The following ZFYVE16 variants were observed in gnomAD, a reference collection of about 807,000 sequenced individuals.
ZFYVE16 encodes zinc finger FYVE domain-containing protein 16.
In ZFYVE16, 89 loss-of-function variants were observed where a neutral mutation model predicts 138.1. The ratio of observed to expected loss-of-function variants is 0.64; its 90% confidence interval spans 0.54 to 0.77. The LOEUF (loss-of-function observed/expected upper bound fraction) is 0.77, where lower values mean the gene tolerates loss of function less well. Among genes scored for constraint, ZFYVE16 ranks in the 30% least tolerant of loss-of-function variants. The probability of loss-of-function intolerance (pLI) is 0.00; values close to 1 mark genes in which losing one functional copy is unlikely to be tolerated. For synonymous variants in ZFYVE16, 596 were observed against 618.3 expected (o/e 0.96, Z 0.53); for missense variants, 1,793 against 1,786.7 (o/e 1.00, Z -0.06).
At chr5:80,408,048 T>G (rs1390283923), upstream of ZFYVE16, 1 of 152,278 alleles carries the variant, frequency 6.6e-6, no homozygotes, top group Non-Finnish European at 1.5e-5. Flanking sequence ...AAAGAAGCCC[T>G]GAGCCGGGAT....
chr5:80,470,107 T>A (rs1162138736), intron 15 of ZFYVE16, among the ~76,000 whole-genome samples: 1 of 38,048 alleles, frequency 2.6e-5, no homozygotes, highest in African/African-American at 4.4e-5. Flanking sequence ...GTGTATTTTT[T>A]TTTTTTTTTT....
Position 80,438,496 on chromosome 5 carries a change from C to G in ZFYVE16, c.1811C>G (p.Thr604Arg). Reference protein sequence around the residue: ...IICEIVDKQNTIENGLSLGEK... With the variant: ...IICEIVDKQNRIENGLSLGEK... ...TGTGAAATAGTTGATAAACAAAATA[C>G]AATAGAAAATGGCCTTTCTTTAGGA... Residue 604 changes from threonine (T) to arginine (R), a missense_variant, in exon 4 of 19, where the codon ACA becomes AGA. Around this residue, in one of 2 missense-constraint regions of ZFYVE16, gnomAD observed 1,295 missense variants for 1,204.3 expected, o/e 1.08. Transcript: ENST00000505560. 6.2e-7 allele frequency: 1 copy of G among 1,613,480 alleles called. No homozygotes were observed. The highest frequency in any genetic ancestry group is 1.1e-5 in the South Asian group (1 of 91,044).
intron 7 of ZFYVE16, 79 bp downstream of exon 7, chr5:80,445,484 GCT>G: frequency 8.5e-7 from 1 of 1,175,496 alleles, no homozygotes; most frequent in East Asian, 2.7e-5. Context: ...TTATTAGAGT[GCT>G]TTTTTTTTTT....
chr5:80,449,584 C>T lies in ZFYVE16; in HGVS notation c.3104-7C>T. 1 of 1,601,290 alleles carries T rather than the reference C, an allele frequency of 6.2e-7. No individual in the cohort carries two copies. On this transcript the variant is annotated splice_polypyrimidine_tract_variant and splice_region_variant and intron_variant, in intron 8 of 18. Coordinates refer to ENST00000505560, the MANE Select transcript of ZFYVE16 (RefSeq NM_001284236.3). Reference sequence around the variant, plus strand: ...ATCCTGATTAATATATTACTTTCATCATTTAGTGCCTGTAGTAGAAGAACA... The same window carrying T: ...ATCCTGATTAATATATTACTTTCATTATTTAGTGCCTGTAGTAGAAGAACA...
In ZFYVE16 at chr5:80,438,522, G is replaced by GA; in HGVS notation, c.1843dup (p.Ser615LysfsTer13). On this transcript the variant is annotated frameshift_variant, in exon 4 of 19. Coordinates refer to ENST00000505560, the MANE Select transcript of ZFYVE16 (RefSeq NM_001284236.3). LOFTEE classifies it high-confidence loss of function. ...AATAGAAAATGGCCTTTCTTTAGGA[G>GA]AAAAAAGCACTATTCCAGTTCAACA... 2 of 1,613,336 alleles carry GA rather than the reference G, an allele frequency of 1.2e-6. No individual in the cohort carries two copies.
At chr5:80,456,326 C>A (rs1752526497) in intron 12 of ZFYVE16, 135 bp from the exon 13 acceptor site, 3 of 660,128 alleles carry the variant, frequency 4.5e-6, no homozygotes, top group South Asian at 4.5e-5. Flanking sequence ...GAAAGTTACC[C>A]TAAATACTAC....
intron 1 of ZFYVE16, among the ~76,000 whole-genome samples, chr5:80,422,870 TA>T (rs1157628269): frequency 6.6e-6 from 1 of 152,248 alleles, no homozygotes. Context: ...CATACCTGGA[TA>T]AATCATATTG....
At position 80,480,371 on chromosome 5, in the gene ZFYVE16, T is replaced by A. The variant is rs543355310; in HGVS notation, c.*2994T>A. On this transcript the variant is annotated 3_prime_UTR_variant, in exon 19 of 19. Transcript: ENST00000505560. Reference sequence around the variant, plus strand: ...ATAGAATGTAGCCAATTGGGGTAGTTTATAAACTGGAAGATAACTCAGGAG... The same window carrying A: ...ATAGAATGTAGCCAATTGGGGTAGTATATAAACTGGAAGATAACTCAGGAG... Among the ~76,000 whole-genome samples the A allele has an allele frequency of 6.6e-6, 1 of 152,060 alleles. No individual in the cohort carries two copies. The highest frequency in any genetic ancestry group is 1.9e-4 in the East Asian group (1 of 5,170).
intron 15 of ZFYVE16, among the ~76,000 whole-genome samples, chr5:80,465,085 C>A (rs991530394): frequency 6.6e-6 from 1 of 152,030 alleles, no homozygotes; most frequent in African/African-American, 2.4e-5. Flanking sequence ...ACCCAAAATA[C>A]ATTTATGTTC....
At chr5:80,472,398 C>T (rs1444801904) in intron 15 of ZFYVE16, among the ~76,000 whole-genome samples, 1 of 151,722 alleles carries the variant, frequency 6.6e-6, no homozygotes, top group African/African-American at 2.4e-5. Flanking sequence ...TAACCATGGG[C>T]TTAACCTCTT....
At chr5:80,456,639 T>A (rs183510209) in intron 13 of ZFYVE16, 74 bp downstream of exon 13, 1 of 1,376,444 alleles carries the variant, frequency 7.3e-7, no homozygotes, top group East Asian at 2.4e-5. Flanking sequence ...CACATTAAAT[T>A]TTTTGTTTTG....
chr5:80,439,854 G>A (rs1332239344), intron 4 of ZFYVE16, 82 bp from the exon 5 acceptor site: 2 of 1,094,480 alleles, frequency 1.8e-6, no homozygotes. Flanking sequence ...TGGTTAATTA[G>A]GTTTAGGACC....
intron 16 of ZFYVE16, among the ~76,000 whole-genome samples, chr5:80,473,374 C>T (rs1405048157): frequency 6.6e-6 from 1 of 152,176 alleles, no homozygotes; most frequent in Admixed American, 6.5e-5. Flanking sequence ...TTCCTCTCTT[C>T]AGTTACCCAT....
At position 80,448,992 on chromosome 5, in the gene ZFYVE16, G is replaced by A. The variant is rs927620898; in HGVS notation, c.3103+588G>A. On this transcript the variant is annotated intron_variant, in intron 8 of 18. Transcript: ENST00000505560. The stretch of plus-strand genomic sequence containing the variant: ...GCAATATGAAATGGCGGTTCTCTGC[G>A]TGATAATGTAGAGGAATGAAGCTTT... Among the ~76,000 whole-genome samples, 9 of 152,214 alleles carry A rather than the reference G, an allele frequency of 5.9e-5. No individual in the cohort carries two copies. In the South Asian group the frequency reaches 1.5e-3, roughly 25 times the overall value.
intron 6 of ZFYVE16, chr5:80,443,769 T>G (rs1323225148): frequency 2.2e-6 from 1 of 456,324 alleles, no homozygotes; most frequent in East Asian, 6.9e-5. Flanking sequence ...TTCTTATTTC[T>G]TCCCACCTTA....
chr5:80,452,431 C>T (rs1752073641), intron 11 of ZFYVE16: 1 of 52,176 alleles, frequency 1.9e-5, no homozygotes, highest in Admixed American at 3.7e-4. Flanking sequence ...AAGACTACGT[C>T]TCAAAAAAAA....
intron 1 of ZFYVE16, among the ~76,000 whole-genome samples, chr5:80,413,018 TAAAC>T (rs538331260): frequency 0.01 from 1,543 of 151,644 alleles, 26 homozygotes; most frequent in African/African-American, 0.034. Context: ...CCACAAAAAA[TAAAC>T]AAAATTAGCT....
chr5:80,466,368 T>G lies in ZFYVE16; in HGVS notation c.4025-6393T>G, dbSNP rs139641610. On this transcript the variant is annotated intron_variant, in intron 15 of 18. Coordinates refer to ENST00000505560, the MANE Select transcript of ZFYVE16 (RefSeq NM_001284236.3). ...ACAAATTCTTCTGCCTAGTCAAATC[T>G]GTTGTTGAGCTCCACTAGTGAAGTT... is the stretch of plus-strand genomic sequence containing the variant. Among the ~76,000 whole-genome samples the G allele has an allele frequency of 2.0e-3, 306 of 152,340 alleles. 2 individuals carry two copies. The highest frequency in any genetic ancestry group is 7.0e-3 in the African/African-American group (293 of 41,594).
In ZFYVE16 at chr5:80,440,007, A is replaced by G; in HGVS notation, c.2394A>G (p.Val798=). 1.2e-6 allele frequency: 2 copies of G among 1,610,572 alleles called. No homozygotes were observed. The highest frequency in any genetic ancestry group is 1.7e-6 in the Non-Finnish European group (2 of 1,178,288). The change falls in exon 5 of 19, where the codon GTA becomes GTG. Residue 798 remains valine (V), a synonymous_variant. Transcript: ENST00000505560. ...TAGAAAAGGAAGCAAGAGTATGTGT[A>G]GTCTGCTATGAAACTATTAGTAAAG... ...QYLEKEARVC[V]VCYETISKAQ...
Sources: allele counts gnomAD v4.1 joint callset (sites outside exome capture counted in the v4.1 genomes callset), GRCh38; gene constraint gnomAD v4.1.1; regional missense constraint gnomAD v4.1.1; transcripts MANE v1.5; gene names NCBI Gene and HGNC (gene_info 2026-07-23, HGNC 2026-07-21).